ARFGEF3: variants seen among roughly 807,000 people sequenced by gnomAD.
The protein encoded by ARFGEF3 is brefeldin A-inhibited guanine nucleotide-exchange protein 3.
Under a neutral mutation model 221.7 loss-of-function variants are expected in ARFGEF3, and 96 were observed. The observed-to-expected ratio is 0.43, with a 90% CI of 0.37 to 0.51. The LOEUF is 0.51. Ranked by LOEUF, ARFGEF3 falls within the 20% of genes least tolerant of loss-of-function variation. ARFGEF3 has a pLI of 0.00. For synonymous variants in ARFGEF3, 1,145 were observed against 1,126.8 expected (o/e 1.02, Z -0.32); for missense variants, 2,410 against 2,789.9 (o/e 0.86, Z 3.07).
chr6:138,203,668 A>C (rs753035229), intron 2 of ARFGEF3, among the ~76,000 whole-genome samples: 9 of 152,032 alleles, frequency 5.9e-5, no homozygotes, highest in Non-Finnish European at 1.2e-4. Context: ...TTTAAGACCA[A>C]GTCTCACTCT....
At chr6:138,322,687 C>T (rs1368452011) in intron 29 of ARFGEF3, among the ~76,000 whole-genome samples, 1 of 150,828 alleles carries the variant, frequency 6.6e-6, no homozygotes, top group Non-Finnish European at 1.5e-5. Flanking sequence ...CCCAGCTACT[C>T]AGGAGGCTGA....
intron 12 of ARFGEF3, 83 bp from the exon 13 acceptor site, chr6:138,278,368 C>A (rs1562377206): frequency 7.9e-7 from 1 of 1,260,520 alleles, no homozygotes; most frequent in Non-Finnish European, 1.1e-6. Context: ...GTATCTCTCA[C>A]GATGGGTTCG....
intron 14 of ARFGEF3, among the ~76,000 whole-genome samples, chr6:138,285,308 G>A (rs569135482): frequency 8.5e-5 from 13 of 152,058 alleles, no homozygotes; most frequent in Admixed American, 2.6e-4. Context: ...AAAATTAGCC[G>A]GGCATGGTGG....
rs781436051 is a variant in ARFGEF3, at chr6:138,305,901, CACTT to C, written c.3829-1350_3829-1347del. 3.9e-5 allele frequency among the ~76,000 whole-genome samples: 6 copies of C among 152,266 alleles called. No individual in the cohort carries two copies. The East Asian group carries it at 1.2e-3, about 29-fold the overall frequency. On this transcript the variant is annotated intron_variant, in intron 22 of 33. Coordinates refer to ENST00000251691, the MANE Select transcript of ARFGEF3 (RefSeq NM_020340.5). ...TTTGAGAATCCTACATCTAACATCACACTTAATGATGAAAGACAGTGTTTTTCTC... is the reference window on the plus strand; with the variant it reads ...TTTGAGAATCCTACATCTAACATCACAATGATGAAAGACAGTGTTTTTCTC...
At chr6:138,233,694 G>A (rs1180291511) in intron 5 of ARFGEF3, among the ~76,000 whole-genome samples, 1 of 152,068 alleles carries the variant, frequency 6.6e-6, no homozygotes, top group African/African-American at 2.4e-5. Context: ...CTTTTACTCT[G>A]ATATGATAGC....
intron 2 of ARFGEF3, among the ~76,000 whole-genome samples, chr6:138,172,436 C>A (rs1021749074): frequency 3.9e-5 from 6 of 152,308 alleles, no homozygotes; most frequent in African/African-American, 7.2e-5. Context: ...CTGTGTCTTA[C>A]AGTAGTGTGT....
intron 2 of ARFGEF3, among the ~76,000 whole-genome samples, chr6:138,202,489 C>T (rs1777555268): frequency 6.6e-6 from 1 of 152,096 alleles, no homozygotes; most frequent in African/African-American, 2.4e-5. Flanking sequence ...AAGTCAGGGT[C>T]TGAGGCTTGT....
At chr6:138,175,739 G>A (rs1226800086) in intron 2 of ARFGEF3, among the ~76,000 whole-genome samples, 1 of 152,204 alleles carries the variant, frequency 6.6e-6, no homozygotes, top group African/African-American at 2.4e-5. Context: ...GTAGAATATT[G>A]TGTAAATGTC....
At chr6:138,226,318 CTCCTT>C (rs1195717720) in intron 4 of ARFGEF3, among the ~76,000 whole-genome samples, 1 of 152,208 alleles carries the variant, frequency 6.6e-6, no homozygotes, top group African/African-American at 2.4e-5. Context: ...GCTTTGCTTT[CTCCTT>C]TCAAGTCTAA....
intron 12 of ARFGEF3, among the ~76,000 whole-genome samples, chr6:138,265,208 A>AT (rs924945175): frequency 4.6e-5 from 7 of 152,080 alleles, no homozygotes; most frequent in African/African-American, 1.7e-4. Context: ...CGGCTGGAAC[A>AT]TTTTTTAATA....
rs942678263 is a variant in ARFGEF3 at position 138,291,175 on chromosome 6, C to T, written c.3048-558C>T. 1.3e-5 allele frequency among the ~76,000 whole-genome samples: 2 copies of T among 152,154 alleles called. No individual in the cohort carries two copies. The highest frequency in any genetic ancestry group is 2.4e-5 in the African/African-American group (1 of 41,444). On this transcript the variant is annotated intron_variant, in intron 18 of 33. Transcript: ENST00000251691. This position sits in a 1 kb window ranked among gnomAD's most constrained non-coding sequence, Gnocchi z 4.5. ...ACCCTTCTCTGTGTCTGCCATAATT[C>T]GGTGACTGCCCTCCCACCCGGCCGC...
intron 32 of ARFGEF3, among the ~76,000 whole-genome samples, chr6:138,333,533 C>G (rs947179601): frequency 6.6e-6 from 1 of 152,184 alleles, no homozygotes; most frequent in African/African-American, 2.4e-5. Context: ...GCTCCACCTC[C>G]CGGGTTCATG....
At chr6:138,302,335 AAG>A (rs1250364749) in intron 22 of ARFGEF3, among the ~76,000 whole-genome samples, 1 of 152,198 alleles carries the variant, frequency 6.6e-6, no homozygotes, top group Non-Finnish European at 1.5e-5. Flanking sequence ...GCTTACCAGA[AAG>A]AGATGGCAGA....
chr6:138,219,349 G>A (rs1216099786), intron 4 of ARFGEF3, among the ~76,000 whole-genome samples: 2 of 152,172 alleles, frequency 1.3e-5, no homozygotes, highest in African/African-American at 4.8e-5. Context: ...GCTCTAGAGG[G>A]CCTGCTCTCT....
chr6:138,164,320 A>C (rs929839816), intron 1 of ARFGEF3, among the ~76,000 whole-genome samples: 2 of 152,188 alleles, frequency 1.3e-5, no homozygotes. Flanking sequence ...ACCAAGATTC[A>C]ACAATCTAGT....
chr6:138,177,753 A>G (rs1776984310), intron 2 of ARFGEF3, among the ~76,000 whole-genome samples: 1 of 151,762 alleles, frequency 6.6e-6, no homozygotes, highest in South Asian at 2.1e-4. Context: ...GGTCTAGTCT[A>G]TTACTGAAGC....
rs555897768 is a variant in ARFGEF3, at chr6:138,307,397, G to A, written c.3973G>A (p.Gly1325Arg). Residue 1325 changes from glycine to arginine, a missense_variant and splice_region_variant, in exon 23 of 34, where the codon GGA becomes AGA. Coordinates refer to ENST00000251691, the MANE Select transcript of ARFGEF3 (RefSeq NM_020340.5). ...KEYLVGDYSM[G>R]KGQAPVFDVF... ...GTACCTGGTTGGTGACTACTCCATG[G>A]GTAAGAATGTTTGGATGATTCTTGC... 61 of 1,612,776 alleles carry A rather than the reference G, an allele frequency of 3.8e-5. No individual in the cohort carries two copies. Among genetic ancestry groups the A allele is most frequent in the Non-Finnish European group, 5.2e-5 (61 of 1,179,142 alleles).
intron 2 of ARFGEF3, among the ~76,000 whole-genome samples, chr6:138,184,452 A>G (rs1190915350): frequency 6.6e-6 from 1 of 152,192 alleles, no homozygotes; most frequent in East Asian, 1.9e-4. Context: ...TTGCAGTGTG[A>G]TTAAGGTTTC....
rs867295412 is a variant in ARFGEF3, at chr6:138,298,756, G to A, written c.3799G>A (p.Glu1267Lys). 1.2e-6 allele frequency: 2 copies of A among 1,613,058 alleles called. No individual in the cohort carries two copies. Among genetic ancestry groups the A allele is most frequent in the Non-Finnish European group, 1.7e-6 (2 of 1,179,676 alleles). The change falls in exon 22 of 34, where the codon GAA becomes AAA. Residue 1267 changes from glutamate (E) to lysine (K), a missense_variant. Glu to Lys is a moderately conservative substitution (Grantham distance 56). This residue lies in a region of ARFGEF3 where 723 missense variants were observed against 991.9 expected (regional missense o/e 0.73). Coordinates refer to ENST00000251691, the MANE Select transcript of ARFGEF3 (RefSeq NM_020340.5). ...ACCTTTCGAGCGCATTATGCAGCTG[G>A]AATTGTGTGATGAGGACGTCCAAGA... is the stretch of plus-strand genomic sequence containing the variant. ...FRPFERIMQLELCDEDVQDQV... is the reference protein window; with the variant it reads ...FRPFERIMQLKLCDEDVQDQV...
Sources: gnomAD v4.1 joint callset for allele counts (sites outside exome capture counted in the v4.1 genomes callset) on GRCh38, gnomAD v4.1.1 for gene constraint, gnomAD v4.1.1 regional missense constraint, Gnocchi (gnomAD v3.1) non-coding constraint, MANE v1.5 for transcripts, NCBI Gene and HGNC (gene_info 2026-07-23, HGNC 2026-07-21) for gene names.